Variants in TMBIM4 observed in about 807,000 individuals in gnomAD.
TMBIM4 encodes the protein transmembrane BAX inhibitor motif containing 4.
Under a neutral mutation model 27.7 loss-of-function variants are expected in TMBIM4, and 28 were observed. The observed-to-expected ratio is 1.01, with a 90% confidence interval of 0.75 to 1.38. TMBIM4 has a LOEUF of 1.38. Ranked by LOEUF, TMBIM4 falls within the 40% of genes most tolerant of loss-of-function variation. The probability of loss-of-function intolerance (pLI) is 0.00; values close to 1 mark genes in which losing one functional copy is unlikely to be tolerated. For synonymous variants in TMBIM4, 115 were observed against 113.1 expected (o/e 1.02, Z -0.11); for missense variants, 265 against 277.5 (o/e 0.95, Z 0.32).
At chr12:66,160,463 A>G (rs1440637995) in intron 1 of TMBIM4, among the ~76,000 whole-genome samples, 1 of 152,236 alleles carries the variant, frequency 6.6e-6, no homozygotes, top group African/African-American at 2.4e-5. Context: ...GGTAACAATC[A>G]TCAAGTGGGG....
intron 1 of TMBIM4, 28 bp downstream of exon 1, chr12:66,169,827 G>A (rs1029143270): frequency 6.7e-7 from 1 of 1,489,732 alleles, no homozygotes; most frequent in African/African-American, 1.5e-5. Context: ...ACAAGCGGCT[G>A]GGAGGCACTG....
At chr12:66,167,606 G>A (rs572141935) in intron 1 of TMBIM4, among the ~76,000 whole-genome samples, 39 of 152,252 alleles carry the variant, frequency 2.6e-4, no homozygotes, top group African/African-American at 8.9e-4. Context: ...AGAAAAGAAC[G>A]GAATGTGTTG....
In TMBIM4 at chr12:66,169,945, C is replaced by T. The variant is rs369204454; in HGVS notation, c.7G>A (p.Asp3Asn). The change falls in exon 1 of 7, where the codon GAC becomes AAC. Residue 3 changes from aspartate to asparagine, a missense_variant. Asp to Asn is a conservative substitution (Grantham distance 23). Transcript: ENST00000358230. MA[D>N]PDPRYPRSSI... ...GAGCGAGGGTACCGGGGGTCGGGGTCAGCCATGATGGCAACAGCACCCCTA... is the reference window on the plus strand; with the variant it reads ...GAGCGAGGGTACCGGGGGTCGGGGTTAGCCATGATGGCAACAGCACCCCTA... 3.0e-4 allele frequency: 455 copies of T among 1,497,076 alleles called. 2 individuals are homozygous for T. In the African/African-American group the frequency reaches 5.6e-3, roughly 18 times the overall value. 92.7% of individuals were successfully genotyped at this position (1,497,076 alleles called of 1,614,324 possible).
Position 66,145,946 on chromosome 12 carries a change from T to C in TMBIM4, c.359A>G (p.Asp120Gly), listed in dbSNP as rs760266293. Residue 120 changes from aspartate to glycine, a missense_variant, in exon 5 of 7, where the codon GAT becomes GGT. Asp to Gly is a moderately conservative substitution (Grantham distance 94). Transcript: ENST00000358230. ...GAAAGCTTGCAGAATAATATATACA[T>C]CATAGAAAGTAACTGTAAAATTAAA... ...LTVAVVVTFYDVYIILQAFIL... is the reference protein window; with the variant it reads ...LTVAVVVTFYGVYIILQAFIL... 1.2e-5 allele frequency: 19 copies of C among 1,530,552 alleles called. No homozygotes were observed. Among genetic ancestry groups the C allele is most frequent in the Middle Eastern group, 1.7e-4 (1 of 5,750 alleles). 94.8% of individuals were successfully genotyped at this position (1,530,552 alleles called of 1,614,324 possible).
At chr12:66,144,991 G>A (rs1294922191) in intron 5 of TMBIM4, among the ~76,000 whole-genome samples, 1 of 152,102 alleles carries the variant, frequency 6.6e-6, no homozygotes, top group African/African-American at 2.4e-5. Flanking sequence ...AGAGGAAGTA[G>A]AACAAAACTT....
chr12:66,148,067 G>A (rs985035801), intron 3 of TMBIM4, 126 bp from the exon 4 acceptor site: 4 of 758,204 alleles, frequency 5.3e-6, no homozygotes, highest in African/African-American at 3.6e-5. Context: ...GCAGCCCTGC[G>A]AAGTATATGG....
intron 1 of TMBIM4, chr12:66,160,090 T>C (rs1055685111): frequency 3.1e-6 from 2 of 655,542 alleles, no homozygotes; most frequent in African/African-American, 3.6e-5. Flanking sequence ...CCTCTACAAC[T>C]GCTTTTGCAC....
intron 3 of TMBIM4, among the ~76,000 whole-genome samples, chr12:66,148,439 CA>C (rs1161058447): frequency 1.3e-5 from 2 of 152,078 alleles, no homozygotes; most frequent in Non-Finnish European, 2.9e-5. Flanking sequence ...TGCATTTTTT[CA>C]GTCTCCTTTG....
chr12:66,150,165 A>G (rs1447513482), intron 3 of TMBIM4, among the ~76,000 whole-genome samples: 2 of 152,184 alleles, frequency 1.3e-5, no homozygotes, highest in African/African-American at 2.4e-5. Flanking sequence ...CCACACAGAA[A>G]TCAGTCTTTC....
In TMBIM4 at chr12:66,138,707, A is replaced by G; in HGVS notation, c.510+17T>C. 1.3e-6 allele frequency: 2 copies of G among 1,538,868 alleles called. No homozygotes were observed. Among genetic ancestry groups the G allele is most frequent in the Admixed American group, 2.3e-5 (1 of 42,580 alleles). On this transcript the variant is annotated intron_variant, in intron 6 of 6. Transcript: ENST00000358230. ...GCCAGAATTATATTTCAAATTAACC[A>G]TTATAACATAACTTACCTTCAAGAA...
intron 1 of TMBIM4, among the ~76,000 whole-genome samples, chr12:66,161,796 A>C (rs1333079430): frequency 1.3e-5 from 2 of 152,192 alleles, no homozygotes; most frequent in Non-Finnish European, 2.9e-5. Context: ...TCCTTAAAAC[A>C]GTCTATAGGC....
chr12:66,141,117 A>C (rs1012655667), intron 5 of TMBIM4, among the ~76,000 whole-genome samples: 1 of 152,154 alleles, frequency 6.6e-6, no homozygotes, highest in Admixed American at 6.5e-5. Context: ...TGTTAAAAAG[A>C]AGTCCCTTAG....
At chr12:66,156,503 G>A (rs1400942415) in intron 1 of TMBIM4, among the ~76,000 whole-genome samples, 4 of 149,636 alleles carry the variant, frequency 2.7e-5, no homozygotes, top group African/African-American at 1.0e-4. Flanking sequence ...CTGGACCACT[G>A]GAGGAACCTT....
intron 1 of TMBIM4, among the ~76,000 whole-genome samples, chr12:66,167,361 G>T (rs1034927762): frequency 9.9e-5 from 15 of 151,968 alleles, no homozygotes; most frequent in Non-Finnish European, 2.9e-5. Flanking sequence ...AAGCAGAAAG[G>T]GTATATAAGA....
Position 66,169,843 on chromosome 12 carries a change from G to A in TMBIM4, c.97+12C>T. 1 of 1,509,566 alleles carries A rather than the reference G, an allele frequency of 6.6e-7. No homozygotes were observed. Among genetic ancestry groups the A allele is most frequent in the Non-Finnish European group, 8.9e-7 (1 of 1,128,824 alleles). The allele number at this position is 1,509,566 out of a possible 1,614,324, so 93.5% of individuals were successfully genotyped here. A position where few individuals can be genotyped will look rare whatever the true frequency, so the allele number is the denominator to read the frequency against. On this transcript the variant is annotated intron_variant, in intron 1 of 6. Coordinates refer to ENST00000358230, the MANE Select transcript of TMBIM4 (RefSeq NM_016056.4). ...CAAGCGGCTGGGAGGCACTGGAGAGGGGACAACGTACCCATTCGGATGTGC... is the reference window on the plus strand; with the variant it reads ...CAAGCGGCTGGGAGGCACTGGAGAGAGGACAACGTACCCATTCGGATGTGC...
At chr12:66,168,975 T>C (rs17245364) in intron 1 of TMBIM4, 17,182 of 224,308 alleles carry the variant, frequency 0.077, 1,388 homozygotes, top group East Asian at 0.44. Context: ...CCAAAATAAT[T>C]TCAAAATTCA....
chr12:66,137,882 A>T lies in TMBIM4; in HGVS notation c.*78T>A. 8.6e-7 allele frequency: 1 copy of T among 1,168,462 alleles called. No individual in the cohort carries two copies. The highest frequency in any genetic ancestry group is 1.3e-6 in the Non-Finnish European group (1 of 799,552). The allele number at this position is 1,168,462 out of a possible 1,614,324, so 72.4% of individuals were successfully genotyped here. A position where few individuals can be genotyped will look rare whatever the true frequency, so the allele number is the denominator to read the frequency against. ...TTACTTAATGAAACAGTTTCTATATACTGCTTCCAATTACTTTAATCCTTT... is the reference window on the plus strand; with the variant it reads ...TTACTTAATGAAACAGTTTCTATATTCTGCTTCCAATTACTTTAATCCTTT... On this transcript the variant is annotated 3_prime_UTR_variant, in exon 7 of 7. Coordinates refer to ENST00000358230, the MANE Select transcript of TMBIM4 (RefSeq NM_016056.4).
chr12:66,151,468 G>C (rs1472972136), intron 3 of TMBIM4, among the ~76,000 whole-genome samples: 1 of 149,574 alleles, frequency 6.7e-6, no homozygotes, highest in Non-Finnish European at 1.5e-5. Flanking sequence ...CAGACTCTCG[G>C]ACTCCAGCAA....
intron 4 of TMBIM4, among the ~76,000 whole-genome samples, 153 bp from the exon 5 acceptor site, chr12:66,146,111 G>C (rs1248991452): frequency 6.6e-6 from 1 of 151,990 alleles, no homozygotes; most frequent in Non-Finnish European, 1.5e-5. Flanking sequence ...TGACTACATG[G>C]GTACAGTGAA....
Sources: allele counts gnomAD v4.1 joint callset (sites outside exome capture counted in the v4.1 genomes callset), GRCh38; gene constraint gnomAD v4.1.1; transcripts MANE v1.5; gene names NCBI Gene and HGNC (gene_info 2026-07-23, HGNC 2026-07-21).